Variants in GRID2 observed in about 807,000 individuals in gnomAD.
GRID2 encodes the protein glutamate receptor ionotropic, delta-2.
Under a neutral mutation model 114.8 loss-of-function variants are expected in GRID2, and 33 were observed. The observed-to-expected ratio is 0.29, with a 90% CI of 0.22 to 0.38. The LOEUF (loss-of-function observed/expected upper bound fraction) is 0.38. GRID2 is among the 10% of genes least tolerant of loss of function. The pLI is 1.00. For missense variants in GRID2, 1,184 were observed against 1,257.7 expected (o/e 0.94, Z 0.89); for synonymous variants, 505 against 449.9 (o/e 1.12, Z -1.55).
At chr4:93,727,182 G>A (rs1729998087) in intron 14 of GRID2, among the ~76,000 whole-genome samples, 1 of 152,258 alleles carries the variant, frequency 6.6e-6, no homozygotes, top group African/African-American at 2.4e-5. Context: ...TTTATTGAGA[G>A]TTTTTAGCAT....
chr4:93,239,916 C>T (rs1747286847), intron 8 of GRID2, among the ~76,000 whole-genome samples: 1 of 151,668 alleles, frequency 6.6e-6, no homozygotes, highest in East Asian at 1.9e-4. Context: ...TGCGTATATC[C>T]TTTTCTTCTT....
intron 4 of GRID2, among the ~76,000 whole-genome samples, chr4:93,151,836 A>G (rs544176315): frequency 6.6e-6 from 1 of 152,102 alleles, no homozygotes; most frequent in African/African-American, 2.4e-5. Context: ...CATTAAATGA[A>G]CTTGTTTTGT....
intron 2 of GRID2, chr4:92,822,369 G>C: frequency 3.3e-6 from 2 of 612,606 alleles, no homozygotes; most frequent in Middle Eastern, 6.1e-4. Flanking sequence ...TGGCCAAAGT[G>C]GTTCATCTTC....
chr4:92,654,063 T>A (rs1485862125), intron 2 of GRID2, among the ~76,000 whole-genome samples: 1 of 152,128 alleles, frequency 6.6e-6, no homozygotes, highest in Non-Finnish European at 1.5e-5. Context: ...GGACCATTAC[T>A]CCAAAGGGTA....
chr4:93,094,991 C>T (rs970586405), intron 3 of GRID2, among the ~76,000 whole-genome samples: 1 of 151,084 alleles, frequency 6.6e-6, no homozygotes, highest in Non-Finnish European at 1.5e-5. Flanking sequence ...CAAAATAAGA[C>T]TATATTAAAC....
At chr4:92,651,829 T>A (rs6532379) in intron 2 of GRID2, among the ~76,000 whole-genome samples, 41,836 of 152,004 alleles carry the variant, frequency 0.28, 5,835 homozygotes, top group Middle Eastern at 0.33. Flanking sequence ...CAGAGTGGGG[T>A]TGTAGTACTG....
At chr4:93,491,493 G>T (rs942887285) in intron 12 of GRID2, among the ~76,000 whole-genome samples, 1 of 151,816 alleles carries the variant, frequency 6.6e-6, no homozygotes, top group African/African-American at 2.4e-5. Context: ...TTTTGCTTTT[G>T]TGGTTTCATG....
chr4:93,049,425 TTC>T (rs1726479698), intron 2 of GRID2, among the ~76,000 whole-genome samples: 1 of 151,980 alleles, frequency 6.6e-6, no homozygotes, highest in Non-Finnish European at 1.5e-5. Context: ...GTTTTCTTTG[TTC>T]TTTTACTAAT....
intron 13 of GRID2, among the ~76,000 whole-genome samples, chr4:93,611,863 G>C (rs573300169): frequency 3.4e-4 from 51 of 151,798 alleles, no homozygotes; most frequent in African/African-American, 1.2e-3. Flanking sequence ...CAATTCCTGG[G>C]TATCCTTGTT....
At chr4:92,950,256 A>T (rs1751929073) in intron 2 of GRID2, among the ~76,000 whole-genome samples, 1 of 152,148 alleles carries the variant, frequency 6.6e-6, no homozygotes, top group Admixed American at 6.6e-5. Context: ...TTGGCTCAAA[A>T]TATGTGTTTG....
chr4:93,658,479 T>C (rs1723209423), intron 14 of GRID2, among the ~76,000 whole-genome samples: 1 of 152,152 alleles, frequency 6.6e-6, no homozygotes. Flanking sequence ...TCTTGTTACT[T>C]GCAACTACCG....
intron 2 of GRID2, among the ~76,000 whole-genome samples, chr4:92,933,894 G>C (rs1188438606): frequency 2.0e-5 from 3 of 151,662 alleles, no homozygotes; most frequent in South Asian, 4.2e-4. Flanking sequence ...GTTTGTAAAA[G>C]GGAGGAATAT....
intron 2 of GRID2, among the ~76,000 whole-genome samples, chr4:92,618,145 T>C (rs1414832031): frequency 6.6e-6 from 1 of 151,786 alleles, no homozygotes; most frequent in Non-Finnish European, 1.5e-5. Context: ...ATATATTTTC[T>C]AGTCTTACAT....
intron 8 of GRID2, among the ~76,000 whole-genome samples, chr4:93,345,991 C>T (rs1408114743): frequency 1.3e-5 from 2 of 151,680 alleles, no homozygotes; most frequent in African/African-American, 2.4e-5. Context: ...TTCTTCTGAC[C>T]CCTTAGTCTA....
At chr4:92,896,576 T>G (rs1747180577) in intron 2 of GRID2, among the ~76,000 whole-genome samples, 1 of 150,532 alleles carries the variant, frequency 6.6e-6, no homozygotes, top group African/African-American at 2.4e-5. Context: ...ATATATATAG[T>G]CAATTGAAAA....
intron 8 of GRID2, among the ~76,000 whole-genome samples, chr4:93,330,271 A>G (rs1415048508): frequency 6.6e-6 from 1 of 152,076 alleles, no homozygotes; most frequent in Non-Finnish European, 1.5e-5. Flanking sequence ...TCTGATATCA[A>G]AGTTAGGGAG....
chr4:92,870,199 T>C (rs1745170688), intron 2 of GRID2, among the ~76,000 whole-genome samples: 1 of 151,798 alleles, frequency 6.6e-6, no homozygotes, highest in African/African-American at 2.4e-5. Flanking sequence ...AGACTCTGTC[T>C]CTAAAAAAGA....
chr4:93,527,229 T>C (rs1191216096), intron 13 of GRID2, among the ~76,000 whole-genome samples: 1 of 152,208 alleles, frequency 6.6e-6, no homozygotes, highest in Non-Finnish European at 1.5e-5. Flanking sequence ...ATTGTCATCT[T>C]AGGCACTAAA....
chr4:92,394,560 A>T (rs1248428392), intron 1 of GRID2, among the ~76,000 whole-genome samples: 1 of 152,010 alleles, frequency 6.6e-6, no homozygotes, highest in Non-Finnish European at 1.5e-5. Context: ...GAAGAATGTA[A>T]GTAGTTGGGT....
Sources: allele counts gnomAD v4.1 joint callset (sites outside exome capture counted in the v4.1 genomes callset), GRCh38; gene constraint gnomAD v4.1.1; transcripts MANE v1.5; gene names NCBI Gene and HGNC (gene_info 2026-07-23, HGNC 2026-07-21).